Variants in AKAP12 observed in about 807,000 individuals in gnomAD.
AKAP12 encodes the protein A-kinase anchoring protein 12, also known as A-kinase anchor protein 12.
AKAP12 carries 32 observed loss-of-function variants against 79.9 expected under a neutral mutation model. The observed-to-expected ratio is 0.40, with a 90% CI of 0.30 to 0.54. AKAP12 has a LOEUF of 0.54. AKAP12 is among the 20% of genes least tolerant of loss of function. The pLI is 0.48. For synonymous variants in AKAP12, 808 were observed against 857.0 expected (o/e 0.94, Z 1.00); for missense variants, 2,074 against 2,177.0 (o/e 0.95, Z 0.94).
intron 3 of AKAP12, among the ~76,000 whole-genome samples, chr6:151,308,468 C>T (rs1292684416): frequency 1.2e-4 from 18 of 152,290 alleles, no homozygotes; most frequent in Admixed American, 8.5e-4. Flanking sequence ...CCGCCTCAGC[C>T]TCCCAGAGTG....
chr6:151,322,046 A>G (rs2114780417), intron 3 of AKAP12, among the ~76,000 whole-genome samples: 1 of 150,698 alleles, frequency 6.6e-6, no homozygotes, highest in East Asian at 2.0e-4. Flanking sequence ...AGTAGCTGGG[A>G]TTACAGGCGC....
Position 151,333,064 on chromosome 6 carries a change from T to C in AKAP12, c.320-15647T>C, listed in dbSNP as rs77739756. ...ACATCCACATATCAGTGATCCCAAA[T>C]CAAAGATGGAGCTTTTTGGTTTTCC... On this transcript the variant is annotated intron_variant, in intron 3 of 4. Transcript: ENST00000402676. Among the ~76,000 whole-genome samples the C allele has an allele frequency of 3.2e-3, 484 of 152,262 alleles. 4 individuals are homozygous for C. The highest frequency in any genetic ancestry group is 0.014 in the Middle Eastern group (4 of 294).
intron 2 of AKAP12, among the ~76,000 whole-genome samples, chr6:151,246,281 G>T (rs1264776883): frequency 6.6e-6 from 1 of 152,196 alleles, no homozygotes; most frequent in Non-Finnish European, 1.5e-5. Flanking sequence ...AGCTGGGTGT[G>T]GTGGCAGGTG....
At chr6:151,302,297 AC>A (rs1776879817) in intron 2 of AKAP12, among the ~76,000 whole-genome samples, 1 of 152,134 alleles carries the variant, frequency 6.6e-6, no homozygotes, top group Non-Finnish European at 1.5e-5. Context: ...GGCATGAGCC[AC>A]TGCGCCTGGT....
intron 2 of AKAP12, among the ~76,000 whole-genome samples, chr6:151,291,185 G>A (rs1337313629): frequency 6.6e-6 from 1 of 152,144 alleles, no homozygotes; most frequent in Non-Finnish European, 1.5e-5. Context: ...TCACCTGGGG[G>A]AGCCTTGGAA....
chr6:151,307,717 G>A (rs1465144682), intron 3 of AKAP12, among the ~76,000 whole-genome samples: 1 of 152,038 alleles, frequency 6.6e-6, no homozygotes, highest in African/African-American at 2.4e-5. Flanking sequence ...CAGCCACGTG[G>A]GTAAACACTG....
At chr6:151,354,519 G>A (rs1050409156) in intron 4 of AKAP12, among the ~76,000 whole-genome samples, 2 of 151,868 alleles carry the variant, frequency 1.3e-5, no homozygotes, top group Non-Finnish European at 2.9e-5. Flanking sequence ...GACTACAGGT[G>A]CCCGCCACCA....
chr6:151,297,713 G>A (rs1776767902), intron 2 of AKAP12, among the ~76,000 whole-genome samples: 1 of 152,152 alleles, frequency 6.6e-6, no homozygotes, highest in South Asian at 2.1e-4. Flanking sequence ...GTCCTGGGAT[G>A]TAGTGAGATG....
At chr6:151,263,561 T>C (rs986481534) in intron 2 of AKAP12, among the ~76,000 whole-genome samples, 1 of 152,036 alleles carries the variant, frequency 6.6e-6, no homozygotes, top group Non-Finnish European at 1.5e-5. Context: ...TATACTCTCT[T>C]GAGAGATTTT....
chr6:151,247,686 G>T (rs989695644), intron 2 of AKAP12, among the ~76,000 whole-genome samples: 19 of 152,182 alleles, frequency 1.2e-4, no homozygotes, highest in African/African-American at 3.9e-4. Context: ...GAAATGTTGA[G>T]ATCAGGGATT....
chr6:151,265,150 C>CAA (rs567026860), intron 2 of AKAP12, among the ~76,000 whole-genome samples: 4 of 68,712 alleles, frequency 5.8e-5, no homozygotes, highest in African/African-American at 2.1e-4. Flanking sequence ...GACTCCGTCT[C>CAA]AAAAAAAAAA....
rs1776439791 is a variant in AKAP12, at chr6:151,283,106, C to T, written c.163-22641C>T. On this transcript the variant is annotated intron_variant, in intron 2 of 4. Transcript: ENST00000402676. ...GGCCCTTGTATAAGGAGGCTGGGCTCCATTTAATGACGGTGAGGAGGCACA... is the reference window on the plus strand; with the variant it reads ...GGCCCTTGTATAAGGAGGCTGGGCTTCATTTAATGACGGTGAGGAGGCACA... Among the ~76,000 whole-genome samples the T allele has an allele frequency of 2.0e-5, 3 of 152,048 alleles. No homozygotes were observed. The South Asian group carries it at 6.2e-4, about 32-fold the overall frequency.
chr6:151,305,327 C>T (rs886141370), intron 2 of AKAP12, among the ~76,000 whole-genome samples: 6 of 152,156 alleles, frequency 3.9e-5, no homozygotes, highest in Non-Finnish European at 8.8e-5. Context: ...GTCAATTATG[C>T]TTAACCTGCA....
At chr6:151,288,239 G>A (rs1776545645) in intron 2 of AKAP12, among the ~76,000 whole-genome samples, 1 of 152,162 alleles carries the variant, frequency 6.6e-6, no homozygotes, top group South Asian at 2.1e-4. Context: ...TTATGGCTGG[G>A]TGCAGTGGCC....
At chr6:151,277,185 T>C (rs1167084412) in intron 2 of AKAP12, among the ~76,000 whole-genome samples, 2 of 152,168 alleles carry the variant, frequency 1.3e-5, no homozygotes, top group Admixed American at 6.5e-5. Flanking sequence ...CCGTAGCAGA[T>C]GGAGAGATTG....
chr6:151,338,403 C>T (rs1409865775), intron 3 of AKAP12, among the ~76,000 whole-genome samples: 1 of 151,544 alleles, frequency 6.6e-6, no homozygotes, highest in African/African-American at 2.4e-5. Flanking sequence ...CGTTTCTACT[C>T]ATTCCTTATT....
At chr6:151,296,343 C>T (rs1391562395) in intron 2 of AKAP12, among the ~76,000 whole-genome samples, 1 of 152,234 alleles carries the variant, frequency 6.6e-6, no homozygotes, top group Non-Finnish European at 1.5e-5. Flanking sequence ...CATTTTCTCT[C>T]TTTTAAAAAC....
At chr6:151,276,450 C>G (rs1199480146) in intron 2 of AKAP12, among the ~76,000 whole-genome samples, 1 of 152,216 alleles carries the variant, frequency 6.6e-6, no homozygotes, top group Non-Finnish European at 1.5e-5. Context: ...GACATTTGCT[C>G]TACCCATCAA....
At chr6:151,263,727 C>G (rs1241117704) in intron 2 of AKAP12, among the ~76,000 whole-genome samples, 1 of 152,056 alleles carries the variant, frequency 6.6e-6, no homozygotes. Context: ...TACAGGCATC[C>G]GCACCCACAC....
Sources: allele counts gnomAD v4.1 joint callset (sites outside exome capture counted in the v4.1 genomes callset), GRCh38; gene constraint gnomAD v4.1.1; transcripts MANE v1.5; gene names NCBI Gene and HGNC (gene_info 2026-07-23, HGNC 2026-07-21).